Variants in HDAC9 observed in about 807,000 individuals in gnomAD.
HDAC9 encodes histone deacetylase 9, also known as MEF-2 interacting transcription repressor (MITR) protein.
HDAC9 carries 41 observed loss-of-function variants against 139.4 expected under a neutral mutation model. That is an observed-to-expected ratio of 0.29 (90% confidence interval 0.23 to 0.38). The LOEUF (loss-of-function observed/expected upper bound fraction) is 0.38. Among genes scored for constraint, HDAC9 ranks in the 10% least tolerant of loss-of-function variants. HDAC9 has a pLI of 1.00. For synonymous variants in HDAC9, 517 were observed against 476.2 expected (o/e 1.09, Z -1.12); for missense variants, 1,147 against 1,297.0 (o/e 0.88, Z 1.78).
rs75536815 is a variant in HDAC9 at position 18,284,780 on chromosome 7, T to G, written c.25+122431T>G. ...TTATAGGGACTAGATACAGGTAGAT[T>G]TCTTTCTTCTTCATTTGATTTAAAT... On this transcript the variant is annotated intron_variant, in intron 2 of 12. Coordinates refer to the HDAC9 transcript ENST00000417496. Among the ~76,000 whole-genome samples the G allele has an allele frequency of 9.7e-3, 1,483 of 152,252 alleles. 19 individuals carry two copies. Among genetic ancestry groups the G allele is most frequent in the African/African-American group, 0.034 (1,405 of 41,572 alleles).
At chr7:18,402,218 G>A (rs1585643489) in intron 1 of HDAC9, among the ~76,000 whole-genome samples, 1 of 152,032 alleles carries the variant, frequency 6.6e-6, no homozygotes, top group Admixed American at 6.6e-5. Flanking sequence ...GAAGTAGGAC[G>A]GGTTAACAGA....
intron 1 of HDAC9, chr7:18,429,190 C>G (rs1371859316): frequency 1.3e-5 from 2 of 152,188 alleles, no homozygotes; most frequent in African/African-American, 4.8e-5. Flanking sequence ...TGTTTTGGAA[C>G]TGCTGTATTC....
intron 1 of HDAC9, among the ~76,000 whole-genome samples, chr7:18,487,149 T>C (rs1052767344): frequency 7.2e-5 from 11 of 151,840 alleles, no homozygotes; most frequent in African/African-American, 2.7e-4. Context: ...AAGAGAGTGA[T>C]GCCTAAAATA....
At chr7:18,717,465 C>A (rs1584904939) in intron 12 of HDAC9, among the ~76,000 whole-genome samples, 2 of 134,904 alleles carry the variant, frequency 1.5e-5, no homozygotes, top group East Asian at 2.1e-4. Context: ...GAATTTTGCT[C>A]TTGTTGCCCA....
At position 18,504,172 on chromosome 7, in the gene HDAC9, G is replaced by A. The variant is rs566663584; in HGVS notation, c.22+7848G>A. ...AATCTCATAATCAAAATTCAAGGGTGTATTTTAAGTACATGATTTTTACAT... is the reference window on the plus strand; with the variant it reads ...AATCTCATAATCAAAATTCAAGGGTATATTTTAAGTACATGATTTTTACAT... On this transcript the variant is annotated intron_variant, in intron 2 of 25. Transcript: ENST00000686413. 3.3e-5 allele frequency among the ~76,000 whole-genome samples: 5 copies of A among 152,128 alleles called. No individual in the cohort carries two copies. The South Asian group carries it at 6.2e-4, about 19-fold the overall frequency.
chr7:18,992,336 A>G (rs1786048769), intron 25 of HDAC9, among the ~76,000 whole-genome samples: 1 of 152,230 alleles, frequency 6.6e-6, no homozygotes, highest in Non-Finnish European at 1.5e-5. Flanking sequence ...GCTTCAAACT[A>G]GATAAATATA....
At chr7:18,355,077 G>A (rs1244102366) in intron 1 of HDAC9, among the ~76,000 whole-genome samples, 1 of 152,176 alleles carries the variant, frequency 6.6e-6, no homozygotes, top group Admixed American at 6.5e-5. Flanking sequence ...TTCTCAAACA[G>A]AAGTGATGAT....
intron 12 of HDAC9, among the ~76,000 whole-genome samples, chr7:18,678,237 C>T (rs1048023470): frequency 1.4e-4 from 21 of 151,704 alleles, no homozygotes; most frequent in African/African-American, 5.1e-4. Flanking sequence ...TTATTTTTAT[C>T]TGCTTGTTTG....
chr7:18,331,541 GT>G (rs1259539979), intron 1 of HDAC9, among the ~76,000 whole-genome samples: 8 of 151,508 alleles, frequency 5.3e-5, no homozygotes, highest in African/African-American at 1.9e-4. Flanking sequence ...TAACAGAAAT[GT>G]TTAACTTTTC....
chr7:18,845,757 C>A (rs1796862507), intron 21 of HDAC9, among the ~76,000 whole-genome samples: 1 of 151,872 alleles, frequency 6.6e-6, no homozygotes, highest in African/African-American at 2.4e-5. Context: ...CAAGCAAAAC[C>A]CTTGATTTTT....
At chr7:18,737,706 G>A (rs544110609) in intron 13 of HDAC9, among the ~76,000 whole-genome samples, 17 of 152,292 alleles carry the variant, frequency 1.1e-4, no homozygotes, top group African/African-American at 2.6e-4. Context: ...GAATAAGTGC[G>A]ATGTGGTGCT....
intron 2 of HDAC9, among the ~76,000 whole-genome samples, chr7:18,572,211 T>C (rs1437995997): frequency 6.6e-6 from 1 of 151,430 alleles, no homozygotes; most frequent in Admixed American, 6.6e-5. Context: ...ATCCCTTGCC[T>C]CAAATATTAG....
intron 14 of HDAC9, among the ~76,000 whole-genome samples, chr7:18,753,190 T>C (rs1273950083): frequency 6.6e-6 from 1 of 152,128 alleles, no homozygotes; most frequent in Non-Finnish European, 1.5e-5. Flanking sequence ...ATCATACAAA[T>C]AAATACACAA....
intron 1 of HDAC9, among the ~76,000 whole-genome samples, chr7:18,443,960 G>A (rs1282679441): frequency 1.3e-5 from 2 of 151,790 alleles, no homozygotes; most frequent in Admixed American, 6.6e-5. Context: ...ATGTATATAT[G>A]TATGTATGCA....
chr7:18,370,001 A>G (rs77962011), intron 1 of HDAC9, among the ~76,000 whole-genome samples: 3,626 of 152,284 alleles, frequency 0.024, 146 homozygotes, highest in African/African-American at 0.082. Context: ...TTTTTTAAAA[A>G]GATGTTTAAG....
intron 1 of HDAC9, among the ~76,000 whole-genome samples, chr7:18,346,545 T>C (rs1275773262): frequency 6.6e-6 from 1 of 152,152 alleles, no homozygotes; most frequent in Non-Finnish European, 1.5e-5. Flanking sequence ...TTACCTTAGA[T>C]TGAAGAGGAG....
At chr7:18,242,292 T>C (rs1335774814) in intron 2 of HDAC9, among the ~76,000 whole-genome samples, 1 of 152,234 alleles carries the variant, frequency 6.6e-6, no homozygotes, top group Non-Finnish European at 1.5e-5. Context: ...TTAACAACTA[T>C]TATATTTTCT....
Position 18,996,370 on chromosome 7 carries a change from A to G in HDAC9, c.*308A>G. 1 of 303,714 alleles carries G rather than the reference A, an allele frequency of 3.3e-6. No individual in the cohort carries two copies. The highest frequency in any genetic ancestry group is 3.9e-5 in the South Asian group (1 of 25,714). The allele number at this position is 303,714 out of a possible 1,614,324, so 18.8% of individuals were successfully genotyped here. ...TCCTAGACACCAAGTTTGAACTAGAAACATTCAGTACAGCACTAGATATTG... is the reference window on the plus strand; with the variant it reads ...TCCTAGACACCAAGTTTGAACTAGAGACATTCAGTACAGCACTAGATATTG... On this transcript the variant is annotated 3_prime_UTR_variant, in exon 26 of 26. Transcript: ENST00000686413.
chr7:18,948,052 G>A (rs962258131), intron 23 of HDAC9, among the ~76,000 whole-genome samples: 14 of 151,726 alleles, frequency 9.2e-5, no homozygotes, highest in Admixed American at 2.0e-4. Context: ...TTTACAAATA[G>A]AAATAAAAAA....
Sources: gnomAD v4.1 joint callset for allele counts (sites outside exome capture counted in the v4.1 genomes callset) on GRCh38, gnomAD v4.1.1 for gene constraint, MANE v1.5 for transcripts, NCBI Gene and HGNC (gene_info 2026-07-23, HGNC 2026-07-21) for gene names.